Variants in ZNF536 observed in about 807,000 individuals in gnomAD.
ZNF536 encodes the protein zinc finger protein 536.
ZNF536 carries 13 observed loss-of-function variants against 84.5 expected under a neutral mutation model. The ratio of observed to expected loss-of-function variants is 0.15; its 90% CI spans 0.10 to 0.24. The LOEUF (loss-of-function observed/expected upper bound fraction) is 0.24, where lower values mean the gene tolerates loss of function less well. Among genes scored for constraint, ZNF536 ranks in the 10% least tolerant of loss-of-function variants. ZNF536 has a pLI of 1.00. For synonymous variants in ZNF536, 811 were observed against 742.5 expected, an observed-to-expected ratio of 1.09 and a Z score of -1.50; for missense variants, 1,536 against 1,747.5, an observed-to-expected ratio of 0.88 and a Z score of 2.16.
intron 1 of ZNF536, among the ~76,000 whole-genome samples, chr19:30,264,966 T>TGAGAGA (rs142750589): frequency 1.4e-3 from 192 of 133,850 alleles, no homozygotes; most frequent in African/African-American, 5.3e-3. Flanking sequence ...TGTGTGTGTG[T>TGAGAGA]GAGAGAGAGA....
intron 1 of ZNF536, among the ~76,000 whole-genome samples, chr19:30,252,042 A>G (rs1295500724): frequency 6.6e-6 from 1 of 152,194 alleles, no homozygotes; most frequent in Admixed American, 6.5e-5. Flanking sequence ...CACAATCTAT[A>G]CATCTGACAA....
At chr19:30,664,254 CTCTCTCT>C (rs2050237417) in intron 1 of ZNF536, among the ~76,000 whole-genome samples, 1 of 146,448 alleles carries the variant, frequency 6.8e-6, no homozygotes, top group African/African-American at 2.5e-5. Context: ...CTCTCTCTCT[CTCTCTCT>C]CCCTCTCCCT....
intron 1 of ZNF536, among the ~76,000 whole-genome samples, chr19:30,409,700 C>T (rs1021990154): frequency 7.9e-5 from 12 of 152,342 alleles, no homozygotes; most frequent in African/African-American, 2.9e-4. Context: ...ACCACAACTG[C>T]CATACAAATT....
At chr19:30,463,769 G>T (rs2053260792) in intron 2 of ZNF536, among the ~76,000 whole-genome samples, 1 of 152,188 alleles carries the variant, frequency 6.6e-6, no homozygotes, top group South Asian at 2.1e-4. Flanking sequence ...CTTTTGGTGG[G>T]GGTTATTGTG....
At chr19:30,264,960 T>A (rs1233333488) in intron 1 of ZNF536, among the ~76,000 whole-genome samples, 11 of 88,316 alleles carry the variant, frequency 1.2e-4, no homozygotes, top group African/African-American at 5.8e-4. Flanking sequence ...TGTGTGTGTG[T>A]GTGTGTGAGA....
chr19:30,509,397 T>C (rs2145490725), intron 2 of ZNF536, among the ~76,000 whole-genome samples: 1 of 146,806 alleles, frequency 6.8e-6, no homozygotes, highest in East Asian at 2.0e-4. Context: ...ATCTTATACA[T>C]ACATAATTAT....
intron 1 of ZNF536, among the ~76,000 whole-genome samples, chr19:30,592,832 T>C (rs1342375496): frequency 6.6e-6 from 1 of 152,226 alleles, no homozygotes; most frequent in Non-Finnish European, 1.5e-5. Flanking sequence ...TTGTAAGTGA[T>C]TGCTAGATAT....
intron 1 of ZNF536, among the ~76,000 whole-genome samples, chr19:30,263,642 C>T (rs2025341013): frequency 6.6e-6 from 1 of 152,138 alleles, no homozygotes; most frequent in Non-Finnish European, 1.5e-5. Flanking sequence ...AGCCCCAAGT[C>T]AAAAATTTGT....
At chr19:30,665,706 C>T (rs972258987) in intron 1 of ZNF536, 3 of 152,284 alleles carry the variant, frequency 2.0e-5, no homozygotes, top group African/African-American at 7.2e-5. Context: ...CTTTCCATGT[C>T]CATTCCAGGC....
rs1264813167 is a variant in ZNF536 at position 30,548,412 on chromosome 19, G to T, written c.2793G>T (p.Lys931Asn). The T allele has an allele frequency of 6.8e-6, 11 of 1,614,084 alleles. No individual in the cohort carries two copies. The highest frequency in any genetic ancestry group is 8.5e-6 in the Non-Finnish European group (10 of 1,180,058). The change falls in exon 4 of 5, where the codon AAG becomes AAT. Residue 931 changes from lysine (K) to asparagine (N), a missense_variant. By Grantham distance (94) the Lys-to-Asn change is moderately conservative. Around this residue, in one of 8 missense-constraint regions of ZNF536, gnomAD observed 624 missense variants for 603.1 expected, o/e 1.03. Coordinates refer to ENST00000355537, the MANE Select transcript of ZNF536 (RefSeq NM_014717.3). ...FMDSFVLSSL[K>N]KEKDMKDKAL... ...ACAGTTTTGTCCTCAGTTCCTTGAA[G>T]AAGGAGAAGGACATGAAGGACAAAG... is the stretch of plus-strand genomic sequence containing the variant.
Position 30,522,178 on chromosome 19 carries a change from G to T in ZNF536, c.2171-12669G>T, listed in dbSNP as rs1323221250. Among the ~76,000 whole-genome samples, 3 of 138,728 alleles carry T rather than the reference G, an allele frequency of 2.2e-5. No homozygotes were observed. In the East Asian group the frequency reaches 6.8e-4, roughly 32 times the overall value. 91.0% of individuals were successfully genotyped at this position (138,728 alleles called of 152,430 possible). On this transcript the variant is annotated intron_variant, in intron 2 of 4. Coordinates refer to ENST00000355537, the MANE Select transcript of ZNF536 (RefSeq NM_014717.3). ...GGCCTGAGCCAGACCTGAAGGTTTT[G>T]TCCTTTGGAAGTCCACCAGCTGGGA...
At chr19:30,275,139 C>G (rs573844448) in intron 1 of ZNF536, among the ~76,000 whole-genome samples, 25 of 152,312 alleles carry the variant, frequency 1.6e-4, no homozygotes, top group African/African-American at 6.0e-4. Context: ...CAGGGAGAGC[C>G]TGCCAGGCAC....
intron 1 of ZNF536, among the ~76,000 whole-genome samples, chr19:30,709,830 T>C (rs1305241896): frequency 6.6e-6 from 1 of 152,182 alleles, no homozygotes; most frequent in Non-Finnish European, 1.5e-5. Context: ...TTGCCCAGGC[T>C]GATCTCAAAC....
intron 1 of ZNF536, among the ~76,000 whole-genome samples, chr19:30,426,528 T>C (rs2051221400): frequency 6.6e-6 from 1 of 152,242 alleles, no homozygotes; most frequent in Admixed American, 6.5e-5. Context: ...TCCTTGGTCC[T>C]GAGTGCACTG....
At chr19:30,517,105 T>C (rs1270148924) in intron 2 of ZNF536, among the ~76,000 whole-genome samples, 2 of 152,166 alleles carry the variant, frequency 1.3e-5, no homozygotes, top group African/African-American at 4.8e-5. Flanking sequence ...CTGACTCAGG[T>C]TCTGAGCACA....
At chr19:30,616,216 T>C (rs2147096092) in intron 1 of ZNF536, among the ~76,000 whole-genome samples, 1 of 152,292 alleles carries the variant, frequency 6.6e-6, no homozygotes, top group African/African-American at 2.4e-5. Context: ...TTGAGAGAAA[T>C]GCGCAGTAAG....
intron 1 of ZNF536, among the ~76,000 whole-genome samples, chr19:30,276,917 TTTTAGCCCAGATG>T (rs2026160017): frequency 6.6e-6 from 1 of 152,186 alleles, no homozygotes; most frequent in African/African-American, 2.4e-5. Context: ...AGGGTAATTG[TTTTAGCCCAGATG>T]TTGCTTTTGC....
At chr19:30,624,783 T>C (rs555734447) in intron 1 of ZNF536, among the ~76,000 whole-genome samples, 4 of 152,282 alleles carry the variant, frequency 2.6e-5, no homozygotes, top group African/African-American at 9.6e-5. Flanking sequence ...CTATAATCTC[T>C]ACATGTCAAA....
chr19:30,281,998 A>G (rs902048289), intron 1 of ZNF536, among the ~76,000 whole-genome samples: 3 of 152,138 alleles, frequency 2.0e-5, no homozygotes, highest in Admixed American at 6.5e-5. Context: ...TACTTGCACC[A>G]AAAGAGCTGT....
Sources: allele counts gnomAD v4.1 joint callset (sites outside exome capture counted in the v4.1 genomes callset), GRCh38; gene constraint gnomAD v4.1.1; regional missense constraint gnomAD v4.1.1; transcripts MANE v1.5; gene names NCBI Gene and HGNC (gene_info 2026-07-23, HGNC 2026-07-21).